Variants in CAMK4 observed in about 807,000 individuals in gnomAD.
CAMK4 encodes the protein calcium/calmodulin-dependent protein kinase type IV.
Under a neutral mutation model 44.9 loss-of-function variants are expected in CAMK4, and 22 were observed. The observed-to-expected ratio is 0.49, with a 90% CI of 0.35 to 0.70. The LOEUF is 0.70. Among genes scored for constraint, CAMK4 ranks in the 30% least tolerant of loss-of-function variants. The probability of loss-of-function intolerance (pLI) is 0.01; values close to 1 mark genes in which losing one functional copy is unlikely to be tolerated. For missense variants in CAMK4, 498 were observed against 586.8 expected (o/e 0.85, Z 1.56); for synonymous variants, 218 against 215.4 (o/e 1.01, Z -0.11).
intron 4 of CAMK4, among the ~76,000 whole-genome samples, chr5:111,377,912 A>G (rs306126): frequency 0.88 from 133,751 of 152,066 alleles, 59,039 homozygotes; most frequent in East Asian, 1. Flanking sequence ...TGCTGAATGA[A>G]TGAATGAACA....
chr5:111,402,543 C>T (rs538990421), intron 5 of CAMK4, among the ~76,000 whole-genome samples: 1 of 152,314 alleles, frequency 6.6e-6, no homozygotes, highest in South Asian at 2.1e-4. Context: ...TTATCTGACA[C>T]ATTAAAACAA....
chr5:111,403,014 T>C (rs1440411366), intron 5 of CAMK4, among the ~76,000 whole-genome samples: 1 of 152,206 alleles, frequency 6.6e-6, no homozygotes, highest in African/African-American at 2.4e-5. Flanking sequence ...AATAAACTTT[T>C]TGAGTATATG....
chr5:111,321,823 G>A (rs1748675518), intron 1 of CAMK4, among the ~76,000 whole-genome samples: 1 of 151,880 alleles, frequency 6.6e-6, no homozygotes, highest in African/African-American at 2.4e-5. Flanking sequence ...AACACCAAAG[G>A]GAAATTTCTT....
At chr5:111,277,855 G>A (rs189958483) in intron 1 of CAMK4, among the ~76,000 whole-genome samples, 68 of 151,844 alleles carry the variant, frequency 4.5e-4, no homozygotes, top group Non-Finnish European at 5.9e-4. Flanking sequence ...TGTGTTATAA[G>A]GATTTATTGG....
intron 1 of CAMK4, among the ~76,000 whole-genome samples, chr5:111,308,596 G>A (rs940269565): frequency 3.3e-5 from 5 of 152,136 alleles, no homozygotes; most frequent in Admixed American, 1.3e-4. Context: ...TGACAGCTAA[G>A]CATCTCTGGA....
intron 7 of CAMK4, among the ~76,000 whole-genome samples, chr5:111,468,432 A>T (rs1580793908): frequency 6.6e-6 from 1 of 152,260 alleles, no homozygotes; most frequent in African/African-American, 2.4e-5. Flanking sequence ...CAGAGTGCTT[A>T]TACCATTAAA....
chr5:111,459,467 C>T (rs1754556300), intron 7 of CAMK4, among the ~76,000 whole-genome samples: 1 of 152,172 alleles, frequency 6.6e-6, no homozygotes, highest in East Asian at 1.9e-4. Context: ...TTTTATATCA[C>T]CCATTAGGTA....
intron 5 of CAMK4, among the ~76,000 whole-genome samples, chr5:111,419,976 T>G (rs989054190): frequency 2.6e-5 from 4 of 152,188 alleles, no homozygotes; most frequent in Non-Finnish European, 4.4e-5. Flanking sequence ...TCCAATTCTG[T>G]GAAGAAAGTC....
chr5:111,408,853 A>G (rs1189630921), intron 5 of CAMK4, among the ~76,000 whole-genome samples: 1 of 152,156 alleles, frequency 6.6e-6, no homozygotes, highest in Non-Finnish European at 1.5e-5. Flanking sequence ...CTGAAATCCA[A>G]TGGGGCAGAA....
At chr5:111,323,708 A>T (rs1748757252) in intron 1 of CAMK4, among the ~76,000 whole-genome samples, 1 of 152,132 alleles carries the variant, frequency 6.6e-6, no homozygotes, top group Non-Finnish European at 1.5e-5. Flanking sequence ...AAAATAAATG[A>T]AAACTGAAAG....
chr5:111,252,055 A>G (rs554683326), intron 1 of CAMK4, among the ~76,000 whole-genome samples: 11 of 152,342 alleles, frequency 7.2e-5, no homozygotes, highest in African/African-American at 2.6e-4. Context: ...AACAGAAAGC[A>G]TCTGGGCTAG....
chr5:111,237,328 T>C (rs1307175741), intron 1 of CAMK4, among the ~76,000 whole-genome samples: 2 of 152,216 alleles, frequency 1.3e-5, no homozygotes, highest in African/African-American at 4.8e-5. Context: ...CTAAGATCCC[T>C]TCTAGTCCCA....
At chr5:111,443,242 CCA>C (rs1753888485) in intron 5 of CAMK4, among the ~76,000 whole-genome samples, 4 of 65,812 alleles carry the variant, frequency 6.1e-5, no homozygotes, top group Admixed American at 2.1e-4. Flanking sequence ...CCTCCCCCTA[CCA>C]TATATATATA....
chr5:111,394,670 TG>T (rs1342229457), intron 4 of CAMK4, 39 bp from the exon 5 acceptor site: 1 of 1,348,562 alleles, frequency 7.4e-7, no homozygotes, highest in Non-Finnish European at 1.1e-6. Flanking sequence ...TTCTTCTGAA[TG>T]AATGTGCCTG....
At chr5:111,280,579 C>T (rs1043256863) in intron 1 of CAMK4, among the ~76,000 whole-genome samples, 1 of 152,174 alleles carries the variant, frequency 6.6e-6, no homozygotes, top group Non-Finnish European at 1.5e-5. Flanking sequence ...ATTCTAAATA[C>T]AGTTGTTTCT....
intron 1 of CAMK4, among the ~76,000 whole-genome samples, chr5:111,265,371 G>T: frequency 6.6e-6 from 1 of 152,218 alleles, no homozygotes; most frequent in South Asian, 2.1e-4. Context: ...TCTTTATCTG[G>T]TCATCTGGCT....
intron 1 of CAMK4, among the ~76,000 whole-genome samples, chr5:111,321,068 C>T (rs896161723): frequency 6.6e-6 from 1 of 152,092 alleles, no homozygotes; most frequent in African/African-American, 2.4e-5. Flanking sequence ...AATTGATAAT[C>T]CTACCTACAC....
intron 5 of CAMK4, among the ~76,000 whole-genome samples, chr5:111,400,633 C>A (rs1752189662): frequency 6.7e-6 from 1 of 150,136 alleles, no homozygotes; most frequent in Non-Finnish European, 1.5e-5. Flanking sequence ...GCTCCTTCTG[C>A]TTTTCTGGCT....
intron 1 of CAMK4, among the ~76,000 whole-genome samples, chr5:111,341,330 G>C (rs1047728150): frequency 6.6e-6 from 1 of 150,802 alleles, no homozygotes; most frequent in Non-Finnish European, 1.5e-5. Flanking sequence ...TACAGTTCCT[G>C]GTTTTGCATT....
Sources: allele counts gnomAD v4.1 joint callset (sites outside exome capture counted in the v4.1 genomes callset), GRCh38; gene constraint gnomAD v4.1.1; transcripts MANE v1.5; gene names NCBI Gene and HGNC (gene_info 2026-07-23, HGNC 2026-07-21).